The following OTOP1 variants were observed in gnomAD, a reference collection of about 807,000 sequenced individuals.
OTOP1 encodes the protein proton channel OTOP1.
OTOP1 carries 59 observed loss-of-function variants against 52.9 expected under a neutral mutation model. The ratio of observed to expected loss-of-function variants is 1.12; its 90% CI spans 0.91 to 1.39. The LOEUF (loss-of-function observed/expected upper bound fraction) is 1.39. Ranked by LOEUF, OTOP1 falls within the 40% of genes most tolerant of loss-of-function variation. The pLI is 0.00. For synonymous variants in OTOP1, 317 were observed against 337.7 expected (o/e 0.94, Z 0.67); for missense variants, 761 against 800.9 (o/e 0.95, Z 0.60).
At chr4:4,224,644 A>C (rs1456787519) in intron 1 of OTOP1, among the ~76,000 whole-genome samples, 3 of 152,224 alleles carry the variant, frequency 2.0e-5, no homozygotes, top group Non-Finnish European at 4.4e-5. Flanking sequence ...TAACTTCCCT[A>C]AAACAACCAT....
At chr4:4,199,474 C>G (rs999817497) in intron 4 of OTOP1, among the ~76,000 whole-genome samples, 8 of 151,920 alleles carry the variant, frequency 5.3e-5, no homozygotes, top group African/African-American at 1.5e-4. Context: ...AGTGCTGTGG[C>G]AAAATCTTGG....
chr4:4,207,172 T>G (rs1268667360), intron 2 of OTOP1, among the ~76,000 whole-genome samples: 1 of 147,614 alleles, frequency 6.8e-6, no homozygotes, highest in Non-Finnish European at 1.5e-5. Context: ...GGGCATTAAC[T>G]GTCTTGAAAC....
intron 1 of OTOP1, among the ~76,000 whole-genome samples, chr4:4,217,805 G>A (rs1048311864): frequency 6.6e-6 from 1 of 152,200 alleles, no homozygotes; most frequent in Non-Finnish European, 1.5e-5. Context: ...TCTGACAAAG[G>A]ACTTTAATCA....
chr4:4,208,119 G>A (rs1334422551), intron 2 of OTOP1, among the ~76,000 whole-genome samples: 1 of 152,180 alleles, frequency 6.6e-6, no homozygotes, highest in African/African-American at 2.4e-5. Flanking sequence ...GCAGAGGGAT[G>A]ACTTTGAGCT....
chr4:4,206,280 T>G (rs1427181744), intron 2 of OTOP1, 150 bp from the exon 3 acceptor site: 8 of 603,718 alleles, frequency 1.3e-5, no homozygotes, highest in Non-Finnish European at 2.3e-5. Context: ...GCAGTGCCAC[T>G]CCTCAATGGG....
rs1716899075 is a variant in OTOP1, at chr4:4,206,073, T to C, written c.598A>G (p.Arg200Gly). ...DIIQSFKTLE[R>G]FGVIHSVFTN... Reference sequence around the variant, plus strand: ...AAAGCAATTACCCACAATTTTTACCTTTCCAGTGTTTTGAAAGACTGGATA... The same window carrying C: ...AAAGCAATTACCCACAATTTTTACCCTTCCAGTGTTTTGAAAGACTGGATA... The change falls in exon 3 of 6, where the codon AGG becomes GGG. Residue 200 changes from arginine (R) to glycine (G), a missense_variant and splice_region_variant. Arg to Gly is a moderately radical substitution (Grantham distance 125). Around this residue, in one of 3 missense-constraint regions of OTOP1, gnomAD observed 632 missense variants for 619.5 expected, o/e 1.02. Transcript: ENST00000296358. 6.2e-7 allele frequency: 1 copy of C among 1,602,514 alleles called. No homozygotes were observed. Among genetic ancestry groups the C allele is most frequent in the South Asian group, 1.1e-5 (1 of 90,548 alleles).
intron 4 of OTOP1, among the ~76,000 whole-genome samples, chr4:4,202,167 C>T (rs375525768): frequency 6.6e-6 from 1 of 152,120 alleles, no homozygotes; most frequent in Non-Finnish European, 1.5e-5. Context: ...TTATTTTTGC[C>T]GCAAACTGGA....
intron 1 of OTOP1, among the ~76,000 whole-genome samples, chr4:4,216,570 A>G (rs1717157212): frequency 6.6e-6 from 1 of 152,236 alleles, no homozygotes; most frequent in South Asian, 2.1e-4. Flanking sequence ...GCGCTTTTCC[A>G]CTGCTCAAAG....
At chr4:4,202,634 T>A in intron 3 of OTOP1, 56 bp from the exon 4 acceptor site, 2 of 1,601,980 alleles carry the variant, frequency 1.2e-6, no homozygotes, top group South Asian at 1.1e-5. Flanking sequence ...TCAGGCACCA[T>A]GGGGTGAGAC....
chr4:4,213,096 C>A (rs1365063976), intron 1 of OTOP1, 92 bp from the exon 2 acceptor site: 3 of 1,458,364 alleles, frequency 2.1e-6, no homozygotes, highest in East Asian at 4.8e-5. Context: ...GTGTATTAAA[C>A]CCTTATGTAT....
chr4:4,221,469 G>A (rs1333200758), intron 1 of OTOP1, among the ~76,000 whole-genome samples: 1 of 139,458 alleles, frequency 7.2e-6, no homozygotes, highest in Non-Finnish European at 1.5e-5. Flanking sequence ...GACTGTGCAG[G>A]TGTTGCCTCC....
At chr4:4,212,118 T>C (rs73793123) in intron 2 of OTOP1, among the ~76,000 whole-genome samples, 1,736 of 152,054 alleles carry the variant, frequency 0.011, 38 homozygotes, top group African/African-American at 0.04. Context: ...AGAAAAAAAA[T>C]GAGGCTGACA....
chr4:4,212,193 C>A (rs1441908522), intron 2 of OTOP1, among the ~76,000 whole-genome samples: 14 of 152,178 alleles, frequency 9.2e-5, no homozygotes. Flanking sequence ...GCGAACACTA[C>A]CCTGAAGACC....
At chr4:4,201,640 T>A (rs1716791039) in intron 4 of OTOP1, among the ~76,000 whole-genome samples, 1 of 151,958 alleles carries the variant, frequency 6.6e-6, no homozygotes, top group Admixed American at 6.6e-5. Flanking sequence ...TCAAAGTGGC[T>A]CTCCAGGACA....
At chr4:4,194,014 C>G (rs150183029) in intron 5 of OTOP1, among the ~76,000 whole-genome samples, 4 of 152,078 alleles carry the variant, frequency 2.6e-5, no homozygotes, top group South Asian at 2.1e-4. Flanking sequence ...CTAGTGAAAC[C>G]CTGTCTCTAC....
chr4:4,223,673 G>A (rs1717355061), intron 1 of OTOP1, among the ~76,000 whole-genome samples: 1 of 152,080 alleles, frequency 6.6e-6, no homozygotes, highest in Admixed American at 6.6e-5. Context: ...GCAAAGGCAG[G>A]CAGATAACCT....
At chr4:4,216,054 T>C (rs2980153) in intron 1 of OTOP1, among the ~76,000 whole-genome samples, 53,488 of 151,720 alleles carry the variant, frequency 0.35, 10,092 homozygotes, top group African/African-American at 0.49. Context: ...CTGCCTCAGC[T>C]TCCCAAAGTG....
At chr4:4,205,821 A>G (rs1024450849) in intron 3 of OTOP1, among the ~76,000 whole-genome samples, 5 of 152,218 alleles carry the variant, frequency 3.3e-5, no homozygotes, top group Non-Finnish European at 5.9e-5. Context: ...TGAGGGTCAT[A>G]ACAGAAAAGT....
chr4:4,222,765 T>C (rs1161801889), intron 1 of OTOP1, among the ~76,000 whole-genome samples: 1 of 152,062 alleles, frequency 6.6e-6, no homozygotes, highest in African/African-American at 2.4e-5. Context: ...CAGAGCTGAG[T>C]TCCTGAGTCA....
Sources: gnomAD v4.1 joint callset for allele counts (sites outside exome capture counted in the v4.1 genomes callset) on GRCh38, gnomAD v4.1.1 for gene constraint, gnomAD v4.1.1 regional missense constraint, MANE v1.5 for transcripts, NCBI Gene and HGNC (gene_info 2026-07-23, HGNC 2026-07-21) for gene names.